EXOC6B: variants seen among roughly 807,000 people sequenced by gnomAD.
EXOC6B encodes the protein SEC15 homolog B.
EXOC6B carries 54 observed loss-of-function variants against 113.5 expected under a neutral mutation model. The ratio of observed to expected loss-of-function variants is 0.48; its 90% CI spans 0.38 to 0.60. The LOEUF is 0.60. Among genes scored for constraint, EXOC6B ranks in the 20% least tolerant of loss-of-function variants. The pLI is 0.00. For synonymous variants in EXOC6B, 357 were observed against 339.0 expected (o/e 1.05, Z -0.58); for missense variants, 797 against 977.5 (o/e 0.82, Z 2.46).
At chr2:72,411,068 G>T (rs372619999) in intron 18 of EXOC6B, among the ~76,000 whole-genome samples, 2 of 152,274 alleles carry the variant, frequency 1.3e-5, no homozygotes, top group Non-Finnish European at 2.9e-5. Context: ...AATTAGCTGG[G>T]TATGGTGGTG....
intron 20 of EXOC6B, among the ~76,000 whole-genome samples, chr2:72,219,385 C>G (rs555539390): frequency 6.6e-6 from 1 of 152,206 alleles, no homozygotes; most frequent in East Asian, 1.9e-4. Context: ...CTAAAGACTT[C>G]TCTGCTCTCA....
At position 72,176,551 on chromosome 2, in the gene EXOC6B, A is replaced by G. The variant is rs1246729516; in HGVS notation, c.*2784T>C. 3 of 152,264 alleles carry G rather than the reference A, an allele frequency of 2.0e-5. No homozygotes were observed. The highest frequency in any genetic ancestry group is 4.4e-5 in the Non-Finnish European group (3 of 68,076). 9.4% of individuals were successfully genotyped at this position (152,264 alleles called of 1,614,324 possible). On this transcript the variant is annotated 3_prime_UTR_variant, in exon 22 of 22. Coordinates refer to ENST00000272427, the MANE Select transcript of EXOC6B (RefSeq NM_015189.3). ...GTGGGCAATGCACCCTGGAAGCTCTACATTCCCTTTGCCAACAGGATCTCA... is the reference window on the plus strand; with the variant it reads ...GTGGGCAATGCACCCTGGAAGCTCTGCATTCCCTTTGCCAACAGGATCTCA...
intron 1 of EXOC6B, among the ~76,000 whole-genome samples, chr2:72,788,533 G>A (rs1465123774): frequency 2.6e-5 from 4 of 152,210 alleles, no homozygotes; most frequent in African/African-American, 7.2e-5. Flanking sequence ...GCAGTGGCTC[G>A]CACCTGTAAT....
intron 17 of EXOC6B, among the ~76,000 whole-genome samples, chr2:72,477,346 G>C (rs2105473916): frequency 6.6e-6 from 1 of 152,090 alleles, no homozygotes; most frequent in African/African-American, 2.4e-5. Context: ...CAAAAGTTTT[G>C]GAACTATCTT....
intron 2 of EXOC6B, among the ~76,000 whole-genome samples, chr2:72,733,956 T>C (rs960467038): frequency 6.6e-6 from 1 of 152,150 alleles, no homozygotes; most frequent in African/African-American, 2.4e-5. Flanking sequence ...AAGTGTTACT[T>C]AGCAGGTACT....
intron 8 of EXOC6B, among the ~76,000 whole-genome samples, chr2:72,542,738 T>C (rs2105794702): frequency 6.6e-6 from 1 of 152,342 alleles, no homozygotes; most frequent in South Asian, 2.1e-4. Flanking sequence ...GTTTAGATCA[T>C]GAGGCTCTGG....
intron 2 of EXOC6B, among the ~76,000 whole-genome samples, chr2:72,737,879 A>G (rs1681065131): frequency 6.6e-6 from 1 of 152,162 alleles, no homozygotes. Flanking sequence ...TACGGTAGCA[A>G]GTTCAAGTTT....
intron 6 of EXOC6B, among the ~76,000 whole-genome samples, chr2:72,637,030 A>C (rs1002606680): frequency 6.6e-6 from 1 of 152,204 alleles, no homozygotes; most frequent in Non-Finnish European, 1.5e-5. Flanking sequence ...ACCAATGAGC[A>C]TGTGGACACT....
chr2:72,517,880 C>T (rs1006570519), intron 8 of EXOC6B, among the ~76,000 whole-genome samples: 3 of 152,110 alleles, frequency 2.0e-5, no homozygotes, highest in African/African-American at 7.2e-5. Flanking sequence ...TAATTCTAAA[C>T]TGGGTGTAGC....
intron 6 of EXOC6B, among the ~76,000 whole-genome samples, chr2:72,672,146 A>T (rs1675927978): frequency 6.6e-6 from 1 of 151,858 alleles, no homozygotes; most frequent in Admixed American, 6.6e-5. Context: ...GTTCCTCAAA[A>T]AACTAAGAAC....
At chr2:72,712,821 C>G (rs1165244620) in intron 6 of EXOC6B, among the ~76,000 whole-genome samples, 4 of 152,106 alleles carry the variant, frequency 2.6e-5, no homozygotes, top group African/African-American at 9.7e-5. Context: ...CTGTTTAACA[C>G]ATGCAATTAA....
chr2:72,629,351 T>TA (rs1382530303), intron 6 of EXOC6B, among the ~76,000 whole-genome samples: 2 of 152,216 alleles, frequency 1.3e-5, no homozygotes, highest in African/African-American at 4.8e-5. Context: ...GCACTGCTTG[T>TA]AAACTGTTCC....
At chr2:72,726,161 A>G (rs946199866) in intron 5 of EXOC6B, among the ~76,000 whole-genome samples, 1 of 152,200 alleles carries the variant, frequency 6.6e-6, no homozygotes, top group African/African-American at 2.4e-5. Context: ...TTCCATTTAT[A>G]TGAGATGTTC....
intron 17 of EXOC6B, among the ~76,000 whole-genome samples, chr2:72,477,352 A>G (rs1698812348): frequency 6.6e-6 from 1 of 152,172 alleles, no homozygotes; most frequent in Non-Finnish European, 1.5e-5. Flanking sequence ...TTTTGGAACT[A>G]TCTTTGACTC....
rs1460257614 is a variant in EXOC6B, at chr2:72,498,558, CA to C, written c.1240-8del. 1.3e-6 allele frequency: 2 copies of C among 1,484,612 alleles called. No individual in the cohort carries two copies. The highest frequency in any genetic ancestry group is 1.4e-5 in the African/African-American group (1 of 69,066). 92.0% of individuals were successfully genotyped at this position (1,484,612 alleles called of 1,614,324 possible). A position where few individuals can be genotyped will look rare whatever the true frequency, so the allele number is the denominator to read the frequency against. On this transcript the variant is annotated splice_region_variant and splice_polypyrimidine_tract_variant and intron_variant, in intron 12 of 21. Coordinates refer to ENST00000272427, the MANE Select transcript of EXOC6B (RefSeq NM_015189.3). ...TTACAGGGAAACCATACACCTGAAA[CA>C]AAATAAGAAAATCACTTCAGTGTCT...
chr2:72,326,469 C>T (rs1434894985), intron 20 of EXOC6B, among the ~76,000 whole-genome samples: 2 of 151,988 alleles, frequency 1.3e-5, no homozygotes, highest in Non-Finnish European at 2.9e-5. Flanking sequence ...AGAGGATTGA[C>T]AATGCTGTCT....
chr2:72,329,518 G>C (rs1688315999), intron 20 of EXOC6B, among the ~76,000 whole-genome samples: 1 of 151,948 alleles, frequency 6.6e-6, no homozygotes, highest in Admixed American at 6.6e-5. Context: ...GATATAAATG[G>C]GTTTTCTACT....
chr2:72,671,787 GAA>G (rs1553464051), intron 6 of EXOC6B, among the ~76,000 whole-genome samples: 1 of 104,850 alleles, frequency 9.5e-6, no homozygotes, highest in Non-Finnish European at 1.9e-5. Context: ...AAGAAAGAAA[GAA>G]AGAAAGAAAG....
At chr2:72,575,377 T>C (rs992852028) in intron 7 of EXOC6B, 115 bp downstream of exon 7, 2 of 863,092 alleles carry the variant, frequency 2.3e-6, no homozygotes, top group Non-Finnish European at 3.3e-6. Context: ...AAAATGGTAT[T>C]TGATATTCAG....
Sources: allele counts gnomAD v4.1 joint callset (sites outside exome capture counted in the v4.1 genomes callset), GRCh38; gene constraint gnomAD v4.1.1; transcripts MANE v1.5; gene names NCBI Gene and HGNC (gene_info 2026-07-23, HGNC 2026-07-21).